The following CEP44 variants were observed in gnomAD, a reference collection of about 807,000 sequenced individuals.
CEP44 encodes centrosomal protein 44.
A neutral mutation model predicts 46.7 loss-of-function variants in CEP44; 45 were observed. The observed-to-expected ratio is 0.96, with a 90% CI of 0.76 to 1.24. The LOEUF is 1.24. CEP44 is among the 50% of genes most tolerant of loss of function. The pLI is 0.00. For synonymous variants in CEP44, 142 were observed against 146.0 expected, an observed-to-expected ratio of 0.97 and a Z score of 0.20; for missense variants, 475 against 459.7, an observed-to-expected ratio of 1.03 and a Z score of -0.30.
intron 8 of CEP44, among the ~76,000 whole-genome samples, chr4:174,327,806 A>AT: frequency 6.6e-6 from 1 of 152,118 alleles, no homozygotes; most frequent in East Asian, 1.9e-4. Flanking sequence ...TTTCAGGTAG[A>AT]TTAAAGACAT....
chr4:174,306,526 T>A (rs1354636098), intron 6 of CEP44, among the ~76,000 whole-genome samples: 1 of 152,150 alleles, frequency 6.6e-6, no homozygotes, highest in Admixed American at 6.5e-5. Flanking sequence ...TCAGCGCTTG[T>A]CCTAAAATGT....
chr4:174,322,611 C>G (rs1416054949), downstream of CEP44, among the ~76,000 whole-genome samples: 1 of 152,088 alleles, frequency 6.6e-6, no homozygotes, highest in Non-Finnish European at 1.5e-5. Flanking sequence ...AAAAGAGATC[C>G]TGAATTTTGT....
chr4:174,295,689 C>T (rs1738916207), intron 1 of CEP44, among the ~76,000 whole-genome samples: 1 of 152,186 alleles, frequency 6.6e-6, no homozygotes, highest in African/African-American at 2.4e-5. Flanking sequence ...GCACTCCAGC[C>T]TGGGCACCAT....
Position 174,318,365 on chromosome 4 carries a change from G to A in CEP44, c.*982G>A. 1.0e-6 allele frequency: 1 copy of A among 985,234 alleles called. No homozygotes were observed. The highest frequency in any genetic ancestry group is 1.2e-6 in the Non-Finnish European group (1 of 829,880). The allele number at this position is 985,234 out of a possible 1,614,324, so 61.0% of individuals were successfully genotyped here. ...ACCAGTGTAACAGAAAGAGAATGTAGCCATTCTAGCCACCGTTAAAAGATA... is the reference window on the plus strand; with the variant it reads ...ACCAGTGTAACAGAAAGAGAATGTAACCATTCTAGCCACCGTTAAAAGATA... On this transcript the variant is annotated 3_prime_UTR_variant, in exon 12 of 12. Transcript: ENST00000503780.
chr4:174,309,215 T>A lies in CEP44; in HGVS notation c.678+356T>A, dbSNP rs190577710. Among the ~76,000 whole-genome samples the A allele has an allele frequency of 3.4e-4, 51 of 152,202 alleles. 1 individual carries two copies. In the East Asian group the frequency reaches 9.3e-3, roughly 28 times the overall value. On this transcript the variant is annotated intron_variant, in intron 7 of 11. Coordinates refer to ENST00000503780, the MANE Select transcript of CEP44 (RefSeq NM_001040157.3). The surrounding 1 kb of genome is among the most constrained non-coding windows in gnomAD (Gnocchi z 5.3). ...TGGTGAATGGAAAAGATTGGCACTTTATTGCCTATTCATTTTCCTTTCTGG... is the reference window on the plus strand; with the variant it reads ...TGGTGAATGGAAAAGATTGGCACTTAATTGCCTATTCATTTTCCTTTCTGG...
chr4:174,304,813 C>A (rs530770625), intron 6 of CEP44, among the ~76,000 whole-genome samples: 1 of 152,130 alleles, frequency 6.6e-6, no homozygotes, highest in Admixed American at 6.5e-5. Flanking sequence ...AGTCCCTACA[C>A]GTAGAATCTG....
downstream of CEP44, among the ~76,000 whole-genome samples, chr4:174,322,747 G>T (rs1223782533): frequency 2.0e-5 from 3 of 152,186 alleles, no homozygotes; most frequent in South Asian, 4.1e-4. Flanking sequence ...TTCAAATTTT[G>T]TAAGCAACTG....
At chr4:174,295,949 A>G (rs1003469321) in intron 1 of CEP44, among the ~76,000 whole-genome samples, 1 of 152,176 alleles carries the variant, frequency 6.6e-6, no homozygotes, top group Middle Eastern at 3.2e-3. Context: ...TCCGTTGATA[A>G]TACATGATTT....
intron 1 of CEP44, among the ~76,000 whole-genome samples, chr4:174,296,742 T>A (rs1368419524): frequency 1.3e-5 from 2 of 148,602 alleles, no homozygotes; most frequent in African/African-American, 5.1e-5. Context: ...AGTTGATAGA[T>A]GATATTGTTT....
Position 174,317,670 on chromosome 4 carries a change from G to T in CEP44, c.*287G>T. The T allele has an allele frequency of 9.8e-7, 1 of 1,015,374 alleles. No homozygotes were observed. Among genetic ancestry groups the T allele is most frequent in the Non-Finnish European group, 1.2e-6 (1 of 849,322 alleles). 62.9% of individuals were successfully genotyped at this position (1,015,374 alleles called of 1,614,324 possible). A position where few individuals can be genotyped will look rare whatever the true frequency, so the allele number is the denominator to read the frequency against. ...CATTACAGCACTGTATTTCTGTGTT[G>T]ACATTTGTTGGCAGTGTGCTAAGTA... On this transcript the variant is annotated 3_prime_UTR_variant, in exon 12 of 12. Transcript: ENST00000503780.
chr4:174,318,003 G>T lies in CEP44; in HGVS notation c.*620G>T. 2.0e-6 allele frequency: 2 copies of T among 984,856 alleles called. No individual in the cohort carries two copies. Among genetic ancestry groups the T allele is most frequent in the Non-Finnish European group, 2.4e-6 (2 of 829,420 alleles). 61.0% of individuals were successfully genotyped at this position (984,856 alleles called of 1,614,324 possible). On this transcript the variant is annotated 3_prime_UTR_variant, in exon 12 of 12. Coordinates refer to ENST00000503780, the MANE Select transcript of CEP44 (RefSeq NM_001040157.3). ...ATGGTCCTCAAGTTTAGACCAAGAG[G>T]ACTATGGTCTCAAGGTTCACCATGA...
At chr4:174,322,354 T>A (rs904088716), downstream of CEP44, among the ~76,000 whole-genome samples, 1 of 152,110 alleles carries the variant, frequency 6.6e-6, no homozygotes, top group East Asian at 1.9e-4. Flanking sequence ...TCATTTGTTC[T>A]CCACTCTTCA....
Position 174,320,012 on chromosome 4 carries a change from C to A in CEP44, c.*2629C>A. The A allele has an allele frequency of 3.0e-6, 3 of 985,194 alleles. No individual in the cohort carries two copies. The highest frequency in any genetic ancestry group is 2.4e-6 in the Non-Finnish European group (2 of 829,762). 61.0% of individuals were successfully genotyped at this position (985,194 alleles called of 1,614,324 possible). A position where few individuals can be genotyped will look rare whatever the true frequency, so the allele number is the denominator to read the frequency against. The stretch of plus-strand genomic sequence containing the variant: ...GTTAAGTAAAATTTTCACTTTCATT[C>A]TTTTCATTCTCTCATAAACTGGTTG... On this transcript the variant is annotated 3_prime_UTR_variant, in exon 12 of 12. Coordinates refer to ENST00000503780, the MANE Select transcript of CEP44 (RefSeq NM_001040157.3).
At chr4:174,323,301 G>GT (rs1163978523), downstream of CEP44, among the ~76,000 whole-genome samples, 2 of 151,982 alleles carry the variant, frequency 1.3e-5, no homozygotes, top group Non-Finnish European at 2.9e-5. Flanking sequence ...GCCTTGAGAG[G>GT]TTTTCCCCCC....
intron 1 of CEP44, among the ~76,000 whole-genome samples, chr4:174,291,787 CTTTTTTTTTT>C (rs56201469): frequency 8.2e-4 from 38 of 46,410 alleles, no homozygotes; most frequent in East Asian, 2.6e-3. Context: ...TTTTTCTTTT[CTTTTTTTTTT>C]TTTTTTTTTT....
rs1738058691 is a variant in CEP44 at position 174,290,400 on chromosome 4, A to G, written c.-148+6457A>G. On this transcript the variant is annotated intron_variant, in intron 1 of 11. Transcript: ENST00000503780. The surrounding 1 kb of genome is among the most constrained non-coding windows in gnomAD (Gnocchi z 4.3). ...TAGTTTCATTCCCTCGTGATCAGAC[A>G]AAATGTTTAGAATGTTTTTAGTCTT... Among the ~76,000 whole-genome samples the G allele has an allele frequency of 7.9e-6, 1 of 126,280 alleles. No homozygotes were observed. The highest frequency in any genetic ancestry group is 1.9e-5 in the Non-Finnish European group (1 of 52,242). 82.8% of individuals were successfully genotyped at this position (126,280 alleles called of 152,430 possible). A position where few individuals can be genotyped will look rare whatever the true frequency, so the allele number is the denominator to read the frequency against.
intron 1 of CEP44, among the ~76,000 whole-genome samples, chr4:174,284,850 T>C (rs1370269294): frequency 2.6e-5 from 4 of 152,242 alleles, no homozygotes; most frequent in African/African-American, 9.6e-5. Context: ...TTAGATAATA[T>C]CGAGCATTAT....
intron 1 of CEP44, chr4:174,285,402 T>C (rs1005746324): frequency 3.3e-5 from 5 of 152,170 alleles, no homozygotes; most frequent in African/African-American, 1.2e-4. Flanking sequence ...CCCTTTATTT[T>C]TCTGTCTCCT....
intron 3 of CEP44, among the ~76,000 whole-genome samples, chr4:174,299,844 G>T (rs977049636): frequency 6.6e-6 from 1 of 152,110 alleles, no homozygotes; most frequent in Non-Finnish European, 1.5e-5. Flanking sequence ...CTATATTCAT[G>T]CCTATATAAT....
Sources: gnomAD v4.1 joint callset for allele counts (sites outside exome capture counted in the v4.1 genomes callset) on GRCh38, gnomAD v4.1.1 for gene constraint, Gnocchi (gnomAD v3.1) non-coding constraint, MANE v1.5 for transcripts, NCBI Gene and HGNC (gene_info 2026-07-23, HGNC 2026-07-21) for gene names.